The following TMPRSS15 variants were observed in gnomAD, a reference collection of about 807,000 sequenced individuals.
TMPRSS15 encodes enteropeptidase.
TMPRSS15 carries 128 observed loss-of-function variants against 125.3 expected under a neutral mutation model. The observed-to-expected ratio is 1.02, with a 90% CI of 0.89 to 1.18. The LOEUF is 1.18. Among genes scored for constraint, TMPRSS15 ranks in the 50% most tolerant of loss-of-function variants. TMPRSS15 has a pLI of 0.00. For synonymous variants in TMPRSS15, 446 were observed against 423.2 expected, an observed-to-expected ratio of 1.05 and a Z score of -0.66; for missense variants, 1,283 against 1,212.7, an observed-to-expected ratio of 1.06 and a Z score of -0.86.
chr21:18,428,651 A>G (rs768694338), intron 1 of TMPRSS15, among the ~76,000 whole-genome samples: 29 of 152,172 alleles, frequency 1.9e-4, no homozygotes, highest in Non-Finnish European at 3.2e-4. Flanking sequence ...CAGCTTCCAC[A>G]TGGTGTTGAG....
chr21:18,350,284 C>T (rs62214994), intron 10 of TMPRSS15, among the ~76,000 whole-genome samples: 6,223 of 152,188 alleles, frequency 0.041, 195 homozygotes, highest in Middle Eastern at 0.085. Flanking sequence ...TCATTTTCAA[C>T]ACTAAACTTT....
chr21:18,281,653 G>C (rs2074699881), intron 21 of TMPRSS15, among the ~76,000 whole-genome samples: 1 of 152,124 alleles, frequency 6.6e-6, no homozygotes, highest in African/African-American at 2.4e-5. Context: ...ATATGGCTAG[G>C]TTGGAGAACC....
chr21:18,396,376 T>A (rs1459247033), intron 3 of TMPRSS15, among the ~76,000 whole-genome samples: 3 of 152,126 alleles, frequency 2.0e-5, no homozygotes, highest in Admixed American at 6.5e-5. Context: ...ACCTACTAGC[T>A]GTGTGATTTG....
At chr21:18,316,667 C>A (rs749043035) in intron 16 of TMPRSS15, among the ~76,000 whole-genome samples, 2 of 151,218 alleles carry the variant, frequency 1.3e-5, no homozygotes, top group African/African-American at 4.9e-5. Context: ...ATCTGGAGGC[C>A]GTTGGTGGTG....
At chr21:18,273,420 A>AGT (rs997029784) in intron 24 of TMPRSS15, among the ~76,000 whole-genome samples, 2 of 152,380 alleles carry the variant, frequency 1.3e-5, no homozygotes, top group Admixed American at 1.3e-4. Flanking sequence ...ATCATGTGAC[A>AGT]GTCTAGTGTA....
intron 18 of TMPRSS15, among the ~76,000 whole-genome samples, chr21:18,309,472 C>A (rs2075072729): frequency 6.6e-6 from 1 of 152,018 alleles, no homozygotes; most frequent in Admixed American, 6.6e-5. Context: ...GAACAGGCAA[C>A]CTACAGAATG....
chr21:18,395,702 CTTA>C (rs2076028356), intron 3 of TMPRSS15, among the ~76,000 whole-genome samples: 1 of 151,840 alleles, frequency 6.6e-6, no homozygotes, highest in South Asian at 2.1e-4. Flanking sequence ...ATTATGATGC[CTTA>C]TTATTTATCT....
intron 1 of TMPRSS15, among the ~76,000 whole-genome samples, chr21:18,459,968 TTTA>T (rs1423276380): frequency 6.6e-6 from 1 of 151,542 alleles, no homozygotes; most frequent in Non-Finnish European, 1.5e-5. Flanking sequence ...AAACCAGTAG[TTTA>T]TTAATAGCTT....
At chr21:18,480,697 C>G (rs1456979776) in intron 1 of TMPRSS15, among the ~76,000 whole-genome samples, 1 of 151,654 alleles carries the variant, frequency 6.6e-6, no homozygotes, top group African/African-American at 2.4e-5. Context: ...TACCTTAAAT[C>G]TAAGCAATGG....
intron 5 of TMPRSS15, among the ~76,000 whole-genome samples, chr21:18,375,238 TGA>T (rs1210646363): frequency 6.6e-6 from 1 of 152,192 alleles, no homozygotes; most frequent in Non-Finnish European, 1.5e-5. Flanking sequence ...GTATTTTTAC[TGA>T]GTCTTCTCTC....
chr21:18,312,079 T>C (rs2075106543), intron 18 of TMPRSS15, among the ~76,000 whole-genome samples: 1 of 152,104 alleles, frequency 6.6e-6, no homozygotes, highest in South Asian at 2.1e-4. Context: ...TGATATAGTG[T>C]TATAAGTTAT....
At chr21:18,387,612 TACACACACACACACACACACAC>T (rs57708622) in intron 3 of TMPRSS15, among the ~76,000 whole-genome samples, 1 of 145,148 alleles carries the variant, frequency 6.9e-6, no homozygotes, top group African/African-American at 2.5e-5. Flanking sequence ...CACACACACA[TACACACACACACACACACACAC>T]ACACACACAC....
chr21:18,346,308 T>C (rs2075508205), intron 10 of TMPRSS15, among the ~76,000 whole-genome samples: 1 of 152,172 alleles, frequency 6.6e-6, no homozygotes, highest in South Asian at 2.1e-4. Context: ...GGTTAACAGA[T>C]GCCAGATGCA....
intron 24 of TMPRSS15, among the ~76,000 whole-genome samples, chr21:18,273,653 C>T (rs908282664): frequency 1.3e-5 from 2 of 152,186 alleles, no homozygotes; most frequent in Non-Finnish European, 2.9e-5. Flanking sequence ...ACACAATCCC[C>T]ATTAGCTGTA....
intron 18 of TMPRSS15, among the ~76,000 whole-genome samples, chr21:18,304,659 T>C (rs1377791638): frequency 6.6e-6 from 1 of 152,218 alleles, no homozygotes; most frequent in African/African-American, 2.4e-5. Context: ...TCATATCATA[T>C]TGCAGTTGCT....
intron 21 of TMPRSS15, among the ~76,000 whole-genome samples, chr21:18,287,824 C>T (rs1483372316): frequency 6.6e-6 from 1 of 152,172 alleles, no homozygotes; most frequent in African/African-American, 2.4e-5. Context: ...AGGAAGATGA[C>T]TAGCACTCAA....
chr21:18,402,186 C>T (rs2076101106), intron 1 of TMPRSS15, among the ~76,000 whole-genome samples: 1 of 152,016 alleles, frequency 6.6e-6, no homozygotes, highest in African/African-American at 2.4e-5. Flanking sequence ...TACTTATTTA[C>T]TAGAATAAAA....
chr21:18,303,280 C>A (rs2074992932), intron 18 of TMPRSS15, among the ~76,000 whole-genome samples: 1 of 151,096 alleles, frequency 6.6e-6, no homozygotes, highest in Non-Finnish European at 1.5e-5. Flanking sequence ...GACCTCAGTT[C>A]CTTTTTGGAA....
At chr21:18,411,798 G>A (rs2076166536) in intron 1 of TMPRSS15, among the ~76,000 whole-genome samples, 1 of 152,184 alleles carries the variant, frequency 6.6e-6, no homozygotes, top group Non-Finnish European at 1.5e-5. Flanking sequence ...TCTGTAAAGT[G>A]GATTATGAAA....
Sources: gnomAD v4.1 joint callset for allele counts (sites outside exome capture counted in the v4.1 genomes callset) on GRCh38, gnomAD v4.1.1 for gene constraint, MANE v1.5 for transcripts, NCBI Gene and HGNC (gene_info 2026-07-23, HGNC 2026-07-21) for gene names.